The following MELK variants were observed in gnomAD, a reference collection of about 807,000 sequenced individuals.
MELK encodes pEg3 kinase.
In MELK, 81 loss-of-function variants were observed where a neutral mutation model predicts 85.0. That is an observed-to-expected ratio of 0.95 (90% CI 0.80 to 1.15). MELK has a LOEUF of 1.15. Among genes scored for constraint, MELK ranks in the 50% most tolerant of loss-of-function variants. The pLI is 0.00. For missense variants in MELK, 754 were observed against 777.5 expected (o/e 0.97, Z 0.36); for synonymous variants, 252 against 265.0 (o/e 0.95, Z 0.48).
chr9:36,586,772 CTTG>C (rs750823466), intron 3 of MELK, among the ~76,000 whole-genome samples: 2 of 152,054 alleles, frequency 1.3e-5, no homozygotes, highest in Non-Finnish European at 2.9e-5. Context: ...GATTTCTAAA[CTTG>C]TTTTTATATT....
chr9:36,622,344 T>A (rs1664052398), intron 8 of MELK, among the ~76,000 whole-genome samples: 2 of 152,208 alleles, frequency 1.3e-5, no homozygotes. Context: ...TTGCCTAGAA[T>A]GTTCTAAAAT....
intron 8 of MELK, among the ~76,000 whole-genome samples, chr9:36,629,157 G>A (rs546625260): frequency 6.6e-6 from 1 of 152,220 alleles, no homozygotes; most frequent in East Asian, 1.9e-4. Flanking sequence ...GAGCCACCAC[G>A]CCCAGCCTGG....
Position 36,631,972 on chromosome 9 carries a change from T to G in MELK, c.736-1130T>G, listed in dbSNP as rs1010698637. Among the ~76,000 whole-genome samples the G allele has an allele frequency of 2.6e-5, 4 of 152,278 alleles. No individual in the cohort carries two copies. The South Asian group carries it at 8.3e-4, about 32-fold the overall frequency. On this transcript the variant is annotated intron_variant, in intron 9 of 17. Transcript: ENST00000298048. ...CCACGGCATCCCGCCTTTTCCCAAC[T>G]CTTGCTCATTAAGTATGTTAGTAGA...
intron 4 of MELK, among the ~76,000 whole-genome samples, chr9:36,590,347 A>G (rs1823413328): frequency 6.6e-6 from 1 of 152,176 alleles, no homozygotes; most frequent in African/African-American, 2.4e-5. Context: ...TGAAATCAAA[A>G]TGTTGGCAAG....
At chr9:36,573,279 T>C (rs1821272764) in intron 1 of MELK, 1 of 152,252 alleles carries the variant, frequency 6.6e-6, no homozygotes, top group Non-Finnish European at 1.5e-5. Context: ...CCTAGGAGGC[T>C]GCGATAGACG....
chr9:36,608,873 G>C (rs193252230), intron 8 of MELK, among the ~76,000 whole-genome samples: 2 of 152,168 alleles, frequency 1.3e-5, no homozygotes, highest in African/African-American at 4.8e-5. Flanking sequence ...ATGAGCCACC[G>C]CACCCGGCCC....
chr9:36,580,932 G>A (rs777054664), intron 1 of MELK, among the ~76,000 whole-genome samples: 10 of 151,680 alleles, frequency 6.6e-5, no homozygotes, highest in Non-Finnish European at 1.3e-4. Context: ...GTTTCACCAT[G>A]TTGGCCAGGC....
At chr9:36,606,619 G>A (rs556190748) in intron 7 of MELK, among the ~76,000 whole-genome samples, 1 of 145,962 alleles carries the variant, frequency 6.9e-6, no homozygotes, top group African/African-American at 2.5e-5. Context: ...ATATGTATAG[G>A]TGTATATATG....
intron 8 of MELK, among the ~76,000 whole-genome samples, chr9:36,618,708 G>A (rs1401193918): frequency 6.6e-6 from 1 of 152,080 alleles, no homozygotes; most frequent in East Asian, 1.9e-4. Flanking sequence ...TGAGGATTTA[G>A]CTTCATTAAA....
intron 12 of MELK, among the ~76,000 whole-genome samples, 165 bp downstream of exon 12, chr9:36,652,042 A>AT (rs11465173): frequency 0.07 from 6,373 of 91,176 alleles, 934 homozygotes; most frequent in African/African-American, 0.24. Context: ...TTGAACTCTA[A>AT]TTTTTTTTTT....
At chr9:36,649,884 A>C (rs1439517685) in intron 11 of MELK, among the ~76,000 whole-genome samples, 1 of 152,216 alleles carries the variant, frequency 6.6e-6, no homozygotes, top group Non-Finnish European at 1.5e-5. Flanking sequence ...CAGGAGTTCA[A>C]GATCAGCCTG....
At chr9:36,630,573 T>G (rs1435874262) in intron 9 of MELK, among the ~76,000 whole-genome samples, 2 of 151,894 alleles carry the variant, frequency 1.3e-5, no homozygotes, top group South Asian at 2.1e-4. Context: ...GCTGGTATGG[T>G]TTTTCTTACT....
chr9:36,657,493 G>T (rs1160418263), intron 13 of MELK, 130 bp downstream of exon 13: 5 of 979,902 alleles, frequency 5.1e-6, no homozygotes, highest in Non-Finnish European at 5.8e-6. Flanking sequence ...GTTTATGAGC[G>T]ATAACTGGAA....
chr9:36,594,758 G>A lies in MELK; in HGVS notation c.392G>A (p.Arg131Lys). The A allele has an allele frequency of 6.2e-7, 1 of 1,613,596 alleles. No individual in the cohort carries two copies. The highest frequency in any genetic ancestry group is 1.1e-5 in the South Asian group (1 of 90,896). ...GTGCACAGCCAGGGCTATGCTCACA[G>A]GGACCTCAAGCCAGTAAGTGACTGC... ...AYVHSQGYAH[R>K]DLKPENLLFD... Residue 131 changes from arginine to lysine, a missense_variant, in exon 5 of 18, where the codon AGG becomes AAG. Arg to Lys is a conservative substitution (Grantham distance 26). Transcript: ENST00000298048.
At chr9:36,618,958 T>G (rs1173749938) in intron 8 of MELK, among the ~76,000 whole-genome samples, 2 of 138,736 alleles carry the variant, frequency 1.4e-5, no homozygotes, top group African/African-American at 5.3e-5. Context: ...CAACTCTAAG[T>G]ATTTTTTTTT....
At chr9:36,657,502 A>T in intron 13 of MELK, 139 bp downstream of exon 13, 1 of 918,508 alleles carries the variant, frequency 1.1e-6, no homozygotes, top group Non-Finnish European at 1.6e-6. Flanking sequence ...CGATAACTGG[A>T]ATACGAATGA....
chr9:36,674,378 A>G (rs1176325804), intron 16 of MELK, among the ~76,000 whole-genome samples: 3 of 152,236 alleles, frequency 2.0e-5, no homozygotes, highest in Admixed American at 1.3e-4. Flanking sequence ...CTGGAACTCT[A>G]TAATATTCTT....
intron 8 of MELK, among the ~76,000 whole-genome samples, chr9:36,629,093 CTGACCTCG>C (rs1828253438): frequency 6.7e-6 from 1 of 149,850 alleles, no homozygotes; most frequent in Non-Finnish European, 1.5e-5. Context: ...TCTTGAACTC[CTGACCTCG>C]TGATCCACCT....
At chr9:36,616,035 C>G (rs1248906313) in intron 8 of MELK, among the ~76,000 whole-genome samples, 1 of 152,136 alleles carries the variant, frequency 6.6e-6, no homozygotes, top group Non-Finnish European at 1.5e-5. Context: ...CCCGCGGGGC[C>G]CGTCCGCTCC....
Sources: allele counts gnomAD v4.1 joint callset (sites outside exome capture counted in the v4.1 genomes callset), GRCh38; gene constraint gnomAD v4.1.1; transcripts MANE v1.5; gene names NCBI Gene and HGNC (gene_info 2026-07-23, HGNC 2026-07-21).